The following ZNF385D variants were observed in gnomAD, a reference collection of about 807,000 sequenced individuals.
ZNF385D encodes zinc finger protein 385D.
A neutral mutation model predicts 35.8 loss-of-function variants in ZNF385D; 15 were observed. The observed-to-expected ratio is 0.42, with a 90% CI of 0.28 to 0.64. ZNF385D has a LOEUF of 0.64. Among genes scored for constraint, ZNF385D ranks in the 30% least tolerant of loss-of-function variants. ZNF385D has a pLI of 0.23. For synonymous variants in ZNF385D, 212 were observed against 186.8 expected, an observed-to-expected ratio of 1.13 and a Z score of -1.10; for missense variants, 474 against 494.6, an observed-to-expected ratio of 0.96 and a Z score of 0.39.
chr3:21,678,972 C>A (rs925723864), intron 1 of ZNF385D, among the ~76,000 whole-genome samples: 3 of 152,034 alleles, frequency 2.0e-5, no homozygotes, highest in Non-Finnish European at 4.4e-5. Flanking sequence ...CTGCTCTCTG[C>A]CCTTCAAGGT....
At chr3:22,323,415 G>A (rs750886846) in intron 2 of ZNF385D, among the ~76,000 whole-genome samples, 1 of 152,170 alleles carries the variant, frequency 6.6e-6, no homozygotes, top group Non-Finnish European at 1.5e-5. Flanking sequence ...AAGGGGGAAA[G>A]AAGGAAGTGC....
At chr3:21,957,540 C>G (rs1361282215) in intron 3 of ZNF385D, among the ~76,000 whole-genome samples, 3 of 152,106 alleles carry the variant, frequency 2.0e-5, no homozygotes, top group African/African-American at 7.2e-5. Context: ...AAAGGTGACT[C>G]TTGTTTTGTT....
intron 3 of ZNF385D, among the ~76,000 whole-genome samples, chr3:21,869,882 G>C (rs1303852642): frequency 6.6e-6 from 1 of 151,946 alleles, no homozygotes; most frequent in East Asian, 1.9e-4. Flanking sequence ...CTTAAACATA[G>C]AATTGCAAAT....
chr3:21,596,562 C>G (rs1214309012), intron 2 of ZNF385D, among the ~76,000 whole-genome samples: 1 of 151,586 alleles, frequency 6.6e-6, no homozygotes, highest in African/African-American at 2.4e-5. Context: ...CTCACCCAGG[C>G]TGGACTGCAG....
At chr3:21,457,443 C>T (rs1488104891) in intron 4 of ZNF385D, among the ~76,000 whole-genome samples, 1 of 152,064 alleles carries the variant, frequency 6.6e-6, no homozygotes, top group African/African-American at 2.4e-5. Context: ...GCAATCTCCA[C>T]CTCCCGGGTT....
intron 3 of ZNF385D, among the ~76,000 whole-genome samples, chr3:21,784,341 T>G (rs568409610): frequency 6.6e-6 from 1 of 152,310 alleles, no homozygotes; most frequent in African/African-American, 2.4e-5. Context: ...CTGAAAAATA[T>G]GAGCACAATC....
At chr3:21,994,522 T>G (rs1160260702) in intron 3 of ZNF385D, among the ~76,000 whole-genome samples, 1 of 152,186 alleles carries the variant, frequency 6.6e-6, no homozygotes, top group Non-Finnish European at 1.5e-5. Context: ...ATATTTTTTT[T>G]TAGGCATTTC....
rs1181089504 is a variant in ZNF385D, at chr3:21,910,029, T to C, written c.326-245001A>G. On this transcript the variant is annotated intron_variant, in intron 3 of 5. Coordinates refer to the ZNF385D transcript ENST00000494108. ...CAGGCACATGCACTATTTAGCTTAC[T>C]GCTACATTTCAAAGTATGTATAGTC... 3.3e-5 allele frequency among the ~76,000 whole-genome samples: 5 copies of C among 152,034 alleles called. No homozygotes were observed. The East Asian group carries it at 9.7e-4, about 29-fold the overall frequency.
At chr3:22,326,920 C>T (rs948799454) in intron 2 of ZNF385D, among the ~76,000 whole-genome samples, 1 of 152,140 alleles carries the variant, frequency 6.6e-6, no homozygotes, top group Non-Finnish European at 1.5e-5. Flanking sequence ...GTCAGAGTGC[C>T]AGAAAATAGG....
intron 2 of ZNF385D, among the ~76,000 whole-genome samples, chr3:22,171,755 T>C (rs960925928): frequency 1.3e-5 from 2 of 151,434 alleles, no homozygotes; most frequent in African/African-American, 4.9e-5. Context: ...CAGGCGCCTG[T>C]AGTTCCAGCT....
At chr3:22,290,829 G>A (rs529033749) in intron 2 of ZNF385D, among the ~76,000 whole-genome samples, 74 of 152,264 alleles carry the variant, frequency 4.9e-4, no homozygotes, top group Non-Finnish European at 7.6e-4. Context: ...CGTATTCCAT[G>A]TTGCTGATGT....
intron 3 of ZNF385D, among the ~76,000 whole-genome samples, chr3:21,558,255 G>C (rs142810729): frequency 0.05 from 7,616 of 151,620 alleles, 265 homozygotes; most frequent in East Asian, 0.15. Flanking sequence ...TTAGGGTGTC[G>C]ATTTTAGATC....
intron 3 of ZNF385D, among the ~76,000 whole-genome samples, chr3:21,822,587 C>T (rs1337804291): frequency 2.0e-5 from 3 of 147,586 alleles, no homozygotes; most frequent in Non-Finnish European, 4.5e-5. Context: ...GTATATACTA[C>T]ATAGAAACTT....
chr3:22,156,609 T>G (rs1201790456), intron 3 of ZNF385D, among the ~76,000 whole-genome samples: 2 of 152,098 alleles, frequency 1.3e-5, no homozygotes, highest in African/African-American at 2.4e-5. Context: ...CAGTACATGT[T>G]AGAATACAAA....
chr3:22,196,343 G>A lies in ZNF385D; in HGVS notation c.107-27308C>T, dbSNP rs78337673. Among the ~76,000 whole-genome samples, 40 of 147,878 alleles carry A rather than the reference G, an allele frequency of 2.7e-4. No individual in the cohort carries two copies. In the East Asian group the frequency reaches 7.2e-3, roughly 27 times the overall value. ...GTCATTCTTTTACTTCATATCTTAC[G>A]TTTATATTTAGAGTGTGTATTTTGC... is the stretch of plus-strand genomic sequence containing the variant. On this transcript the variant is annotated intron_variant, in intron 2 of 5. Transcript: ENST00000494108.
intron 4 of ZNF385D, among the ~76,000 whole-genome samples, chr3:21,477,978 G>C (rs1704357723): frequency 6.6e-6 from 1 of 152,130 alleles, no homozygotes; most frequent in South Asian, 2.1e-4. Flanking sequence ...TGCTTCCAGA[G>C]ACAATCAGAA....
rs565106986 is a variant in ZNF385D at position 21,771,833 on chromosome 3, T to C, written c.326-106805A>G. 6.6e-5 allele frequency among the ~76,000 whole-genome samples: 10 copies of C among 152,036 alleles called. 2 individuals carry two copies. The East Asian group carries it at 1.4e-3, about 21-fold the overall frequency. On this transcript the variant is annotated intron_variant, in intron 3 of 5. Transcript: ENST00000494108. ...ACTCACACTTACTGATTTTAAAACA[T>C]ACTGCAAAGCTACAGTATTCAAAAT...
intron 2 of ZNF385D, among the ~76,000 whole-genome samples, chr3:21,583,705 A>G (rs1012933326): frequency 4.6e-5 from 7 of 151,564 alleles, no homozygotes; most frequent in Non-Finnish European, 7.4e-5. Flanking sequence ...TTATTCATTT[A>G]AATATTGTAT....
At chr3:21,526,056 C>T (rs180955557) in intron 3 of ZNF385D, among the ~76,000 whole-genome samples, 7 of 151,960 alleles carry the variant, frequency 4.6e-5, no homozygotes, top group South Asian at 2.1e-4. Context: ...ATTATTACAC[C>T]GTAAACAGAT....
Sources: allele counts gnomAD v4.1 joint callset (sites outside exome capture counted in the v4.1 genomes callset), GRCh38; gene constraint gnomAD v4.1.1; transcripts MANE v1.5; gene names NCBI Gene and HGNC (gene_info 2026-07-23, HGNC 2026-07-21).